The following ZSWIM6 variants were observed in gnomAD, a reference collection of about 807,000 sequenced individuals.
ZSWIM6 encodes zinc finger SWIM domain-containing protein 6.
ZSWIM6 carries 9 observed loss-of-function variants against 113.2 expected under a neutral mutation model. The observed-to-expected ratio is 0.08, with a 90% CI of 0.05 to 0.14. ZSWIM6 has a LOEUF of 0.14. Ranked by LOEUF, ZSWIM6 falls within the 10% of genes least tolerant of loss-of-function variation. The pLI, the probability that ZSWIM6 is intolerant of heterozygous loss-of-function variation, is 1.00. For missense variants in ZSWIM6, 1,162 were observed against 1,552.2 expected (o/e 0.75, Z 4.22); for synonymous variants, 611 against 606.5 (o/e 1.01, Z -0.11).
At chr5:61,369,634 G>C (rs1326977457) in intron 1 of ZSWIM6, among the ~76,000 whole-genome samples, 1 of 152,078 alleles carries the variant, frequency 6.6e-6, no homozygotes, top group South Asian at 2.1e-4. Context: ...ATTTATGTCT[G>C]CTTACTTGAG....
intron 1 of ZSWIM6, among the ~76,000 whole-genome samples, chr5:61,434,622 C>T (rs909060091): frequency 2.0e-5 from 3 of 152,200 alleles, no homozygotes; most frequent in East Asian, 3.9e-4. Flanking sequence ...ACCATTATTT[C>T]GTTTCTTTTT....
chr5:61,396,816 A>AT (rs375228579), intron 1 of ZSWIM6, among the ~76,000 whole-genome samples: 15 of 152,220 alleles, frequency 9.9e-5, no homozygotes, highest in South Asian at 6.2e-4. Flanking sequence ...GAAAACACAG[A>AT]TTTTTTTGGG....
Position 61,446,660 on chromosome 5 carries a change from T to C in ZSWIM6, c.677-26021T>C, listed in dbSNP as rs192246507. 1.1e-3 allele frequency among the ~76,000 whole-genome samples: 161 copies of C among 152,314 alleles called. 1 individual carries two copies. The highest frequency in any genetic ancestry group is 3.6e-3 in the African/African-American group (151 of 41,580). ...TAACAATTCTGAAGACATTTCTGTTTTTATCTTACAAAAATTTTAAAGCCA... is the reference window on the plus strand; with the variant it reads ...TAACAATTCTGAAGACATTTCTGTTCTTATCTTACAAAAATTTTAAAGCCA... On this transcript the variant is annotated intron_variant, in intron 1 of 13. Transcript: ENST00000252744.
chr5:61,511,564 A>T (rs981286419), intron 4 of ZSWIM6, among the ~76,000 whole-genome samples: 1 of 152,074 alleles, frequency 6.6e-6, no homozygotes, highest in Admixed American at 6.6e-5. Flanking sequence ...GCCCTCGTGA[A>T]TGTGATTAGT....
chr5:61,486,403 C>T (rs74669235), intron 2 of ZSWIM6, among the ~76,000 whole-genome samples: 6 of 144,976 alleles, frequency 4.1e-5, no homozygotes, highest in Non-Finnish European at 7.5e-5. Context: ...TGTGATATAA[C>T]GTAGGAGTGC....
At chr5:61,527,181 T>G (rs745486739) in intron 7 of ZSWIM6, among the ~76,000 whole-genome samples, 6 of 152,332 alleles carry the variant, frequency 3.9e-5, no homozygotes, top group East Asian at 1.9e-4. Context: ...AAGACCCTGA[T>G]CAGATAAAGA....
chr5:61,510,505 T>TC (rs1477332876), intron 4 of ZSWIM6, among the ~76,000 whole-genome samples: 4 of 151,978 alleles, frequency 2.6e-5, no homozygotes, highest in African/African-American at 7.2e-5. Context: ...CGAATGCTTT[T>TC]TTTTTTTTCT....
chr5:61,381,601 T>C (rs1278808283), intron 1 of ZSWIM6, among the ~76,000 whole-genome samples: 2 of 152,144 alleles, frequency 1.3e-5, no homozygotes, highest in Non-Finnish European at 2.9e-5. Context: ...TGTCCATAGT[T>C]TTTTTTGTTC....
At chr5:61,337,071 A>G (rs1744414641) in intron 1 of ZSWIM6, among the ~76,000 whole-genome samples, 1 of 152,202 alleles carries the variant, frequency 6.6e-6, no homozygotes, top group Non-Finnish European at 1.5e-5. Flanking sequence ...ACCTGAGGTC[A>G]GGGGTTAGAG....
intron 11 of ZSWIM6, among the ~76,000 whole-genome samples, 182 bp downstream of exon 11, chr5:61,539,153 C>T (rs1749660762): frequency 1.3e-5 from 2 of 152,328 alleles, no homozygotes; most frequent in South Asian, 4.1e-4. Flanking sequence ...TTACCTGCAT[C>T]ATTAACTTGC....
At chr5:61,355,691 T>G (rs1200693394) in intron 1 of ZSWIM6, among the ~76,000 whole-genome samples, 1 of 152,164 alleles carries the variant, frequency 6.6e-6, no homozygotes, top group African/African-American at 2.4e-5. Flanking sequence ...CATCTATAAT[T>G]TTGCTGTCTG....
intron 10 of ZSWIM6, among the ~76,000 whole-genome samples, chr5:61,537,654 T>C (rs924922555): frequency 2.0e-5 from 3 of 152,196 alleles, no homozygotes; most frequent in African/African-American, 7.2e-5. Flanking sequence ...TTTTTGTTCC[T>C]AAATAAAAGG....
chr5:61,456,924 C>CT lies in ZSWIM6; in HGVS notation c.677-15754dup, dbSNP rs1747217181. On this transcript the variant is annotated intron_variant, in intron 1 of 13. Transcript: ENST00000252744. ...TTTTCTTTTTTTTATTATTATTATA[C>CT]TTTAAGTTTTAGGGTACATGTGCAC... is the stretch of plus-strand genomic sequence containing the variant. Among the ~76,000 whole-genome samples the CT allele has an allele frequency of 2.8e-5, 4 of 142,780 alleles. No homozygotes were observed. The East Asian group carries it at 6.1e-4, about 22-fold the overall frequency. The allele number at this position is 142,780 out of a possible 152,430, so 93.7% of individuals were successfully genotyped here.
chr5:61,393,762 G>T (rs991713520), intron 1 of ZSWIM6, among the ~76,000 whole-genome samples: 1 of 151,514 alleles, frequency 6.6e-6, no homozygotes. Flanking sequence ...TGTACTTTTA[G>T]ACGGAATGTA....
chr5:61,368,938 C>T (rs1009245905), intron 1 of ZSWIM6, among the ~76,000 whole-genome samples: 22 of 152,176 alleles, frequency 1.4e-4, no homozygotes, highest in South Asian at 2.1e-4. Context: ...TAATACCTGC[C>T]TTGCTTAACT....
intron 1 of ZSWIM6, among the ~76,000 whole-genome samples, chr5:61,408,177 C>T (rs1746079561): frequency 6.6e-6 from 1 of 152,174 alleles, no homozygotes; most frequent in African/African-American, 2.4e-5. Context: ...ATAGAGTTTA[C>T]CATTTTAAAA....
intron 1 of ZSWIM6, among the ~76,000 whole-genome samples, chr5:61,360,965 T>C (rs1442152784): frequency 6.6e-6 from 1 of 152,226 alleles, no homozygotes; most frequent in Non-Finnish European, 1.5e-5. Context: ...AGGTGTGTTA[T>C]ATAAGAAGCC....
intron 2 of ZSWIM6, among the ~76,000 whole-genome samples, chr5:61,476,575 A>T (rs927305381): frequency 4.6e-5 from 7 of 152,330 alleles, no homozygotes; most frequent in African/African-American, 1.7e-4. Flanking sequence ...GGAGATTGCC[A>T]GTTGTAGTTC....
intron 1 of ZSWIM6, among the ~76,000 whole-genome samples, chr5:61,434,013 A>G (rs1746642160): frequency 6.8e-6 from 1 of 147,838 alleles, no homozygotes; most frequent in African/African-American, 2.5e-5. Flanking sequence ...ATAAAAATAT[A>G]TGTATAATAG....
Sources: allele counts gnomAD v4.1 joint callset (sites outside exome capture counted in the v4.1 genomes callset), GRCh38; gene constraint gnomAD v4.1.1; transcripts MANE v1.5; gene names NCBI Gene and HGNC (gene_info 2026-07-23, HGNC 2026-07-21).